Variants in ERAP1 observed in about 807,000 individuals in gnomAD.
ERAP1 encodes the protein adipocyte-derived leucine aminopeptidase.
In ERAP1, 86 loss-of-function variants were observed where a neutral mutation model predicts 103.7. The observed-to-expected ratio is 0.83, with a 90% CI of 0.70 to 0.99. The LOEUF (loss-of-function observed/expected upper bound fraction) is 0.99. ERAP1 is among the 50% of genes least tolerant of loss of function. ERAP1 has a pLI of 0.00. For missense variants in ERAP1, 1,009 were observed against 1,128.4 expected (o/e 0.89, Z 1.52); for synonymous variants, 398 against 402.4 (o/e 0.99, Z 0.13).
the ERAP1 span, among the ~76,000 whole-genome samples, chr5:96,867,008 GAT>G: frequency 3.4e-5 from 4 of 118,166 alleles, no homozygotes; most frequent in Admixed American, 1.0e-4. Flanking sequence ...TTACCTTTCT[GAT>G]ATTTTTTTTT....
At chr5:96,761,018 A>C (rs1002677473) in exon 20 of ERAP1, 1 of 152,118 alleles carries the variant, frequency 6.6e-6, no homozygotes. Flanking sequence ...TAATGTTGAG[A>C]AAGCAAACTC....
the ERAP1 span, chr5:96,900,321 T>C: frequency 1.5e-6 from 2 of 1,373,284 alleles, no homozygotes; most frequent in East Asian, 4.7e-5. Context: ...CGATTTTCTC[T>C]AAAACAAAAC....
At chr5:96,773,270 G>A (rs1222733938), downstream of ERAP1, 2 of 153,452 alleles carry the variant, frequency 1.3e-5, no homozygotes, top group Non-Finnish European at 2.9e-5. Flanking sequence ...TTTGCCAGGT[G>A]TGAGGACTTC....
the ERAP1 span, among the ~76,000 whole-genome samples, chr5:96,836,517 A>G: frequency 2.0e-5 from 3 of 152,164 alleles, no homozygotes; most frequent in Admixed American, 2.0e-4. Context: ...CTTTGGTTTT[A>G]ACAAAATTAA....
chr5:96,802,488 A>G (rs762254045), intron 2 of ERAP1, among the ~76,000 whole-genome samples: 1 of 152,208 alleles, frequency 6.6e-6, no homozygotes, highest in Non-Finnish European at 1.5e-5. Context: ...AATAAATTTT[A>G]CTTTCTTACC....
At chr5:96,853,256 T>C in the ERAP1 span, among the ~76,000 whole-genome samples, 1 of 152,142 alleles carries the variant, frequency 6.6e-6, no homozygotes, top group South Asian at 2.1e-4. Flanking sequence ...AAGATAATAT[T>C]GTAGCCCCTG....
chr5:96,909,778 T>TTAATGGAAAATTAAAGTAG, the ERAP1 span: 5 of 1,612,432 alleles, frequency 3.1e-6, no homozygotes, highest in Non-Finnish European at 4.2e-6. Flanking sequence ...GATGTAGACT[T>TTAATGGAAAATTAAAGTAG]CTGTCCTACC....
chr5:96,780,543 T>G (rs1398364050), intron 17 of ERAP1, 39 bp from the exon 18 acceptor site: 4 of 1,472,332 alleles, frequency 2.7e-6, no homozygotes, highest in South Asian at 1.1e-5. Flanking sequence ...TGTGAAATAC[T>G]TATTCATTTA....
chr5:96,771,183 A>T (rs1188253763), downstream of ERAP1, among the ~76,000 whole-genome samples: 4 of 152,322 alleles, frequency 2.6e-5, no homozygotes, highest in African/African-American at 9.6e-5. Flanking sequence ...CAGTTATGCC[A>T]TTATATCTCA....
rs59338324 is a variant in ERAP1 at position 96,765,327 on chromosome 5, TAAAAAAAAAAAAAAA to T, written c.2819-2114_2819-2100del. ...AAACCAATGGAAGATAAAGTAAAGG[TAAAAAAAAAAAAAAA>T]AAAAAAAAAAATTCACTAATAGTGA... On this transcript the variant is annotated intron_variant, in intron 19 of 19. Transcript: ENST00000296754. The T allele has an allele frequency of 2.3e-4, 120 of 512,284 alleles. 5 individuals are homozygous for T. The East Asian group carries it at 4.5e-3, about 19-fold the overall frequency. 31.7% of individuals were successfully genotyped at this position (512,284 alleles called of 1,614,324 possible). A position where few individuals can be genotyped will look rare whatever the true frequency, so the allele number is the denominator to read the frequency against.
chr5:96,763,296 C>T lies in ERAP1; in HGVS notation c.2819-68G>A, dbSNP rs551702619. 20 of 779,850 alleles carry T rather than the reference C, an allele frequency of 2.6e-5. No homozygotes were observed. The African/African-American group carries it at 2.9e-4, about 11-fold the overall frequency. The allele number at this position is 779,850 out of a possible 1,614,324, so 48.3% of individuals were successfully genotyped here. A position where few individuals can be genotyped will look rare whatever the true frequency, so the allele number is the denominator to read the frequency against. Reference sequence around the variant, plus strand: ...CCCCGGGCAGCTCTACCATTAGCAGCTATAATCCTGGATTATAATAAAGCA... The same window carrying T: ...CCCCGGGCAGCTCTACCATTAGCAGTTATAATCCTGGATTATAATAAAGCA... On this transcript the variant is annotated intron_variant, in intron 19 of 19. Coordinates refer to the ERAP1 transcript ENST00000296754.
Position 96,782,098 on chromosome 5 carries a change from C to G in ERAP1, c.2286-244G>C, listed in dbSNP as rs550108961. On this transcript the variant is annotated intron_variant, in intron 15 of 18. Coordinates refer to ENST00000443439, the MANE Select transcript of ERAP1 (RefSeq NM_001040458.3). ...CGATATCGGTTCCTGCAAGCTCCGC[C>G]CTCCCGGGTTCACGCCATTCTCCTA... is the stretch of plus-strand genomic sequence containing the variant. 3.0e-3 allele frequency among the ~76,000 whole-genome samples: 449 copies of G among 151,782 alleles called. 3 individuals carry two copies. The highest frequency in any genetic ancestry group is 2.4e-3 in the Non-Finnish European group (162 of 67,956).
the ERAP1 span, among the ~76,000 whole-genome samples, chr5:96,861,185 A>G: frequency 7.2e-5 from 11 of 152,200 alleles, no homozygotes; most frequent in Non-Finnish European, 1.3e-4. Context: ...GAAGGTATGA[A>G]CAAGGGCTTG....
the ERAP1 span, among the ~76,000 whole-genome samples, chr5:96,830,751 TTGGAGCCCCTGATTGCCTC>T: frequency 3.9e-5 from 6 of 152,292 alleles, no homozygotes; most frequent in East Asian, 1.2e-3. Flanking sequence ...CAACATAAAG[TTGGAGCCCCTGATTGCCTC>T]TGGAGAGGAA....
At chr5:96,816,507 C>T in the ERAP1 span, among the ~76,000 whole-genome samples, 7,029 of 152,242 alleles carry the variant, frequency 0.046, 229 homozygotes, top group South Asian at 0.11. Context: ...GGGACGGTCT[C>T]AACTTAGGCA....
At chr5:96,892,746 A>G in the ERAP1 span, among the ~76,000 whole-genome samples, 1 of 152,214 alleles carries the variant, frequency 6.6e-6, no homozygotes, top group Non-Finnish European at 1.5e-5. Context: ...CAGACACATG[A>G]AGCACAGAAT....
chr5:96,901,777 T>G, the ERAP1 span: 1 of 1,249,184 alleles, frequency 8.0e-7, no homozygotes, highest in Non-Finnish European at 1.1e-6. Flanking sequence ...CTTTGTAGGA[T>G]GCTAGTTCCA....
the ERAP1 span, among the ~76,000 whole-genome samples, chr5:96,922,373 T>C: frequency 6.6e-6 from 1 of 152,128 alleles, no homozygotes. Flanking sequence ...CTCTAATATA[T>C]TGAGTTGGAG....
the ERAP1 span, chr5:96,873,142 T>C: frequency 2.0e-5 from 7 of 342,586 alleles, no homozygotes; most frequent in East Asian, 1.5e-4. Flanking sequence ...TGAGCAGAGA[T>C]TGTGCCACCG....
Sources: allele counts gnomAD v4.1 joint callset (sites outside exome capture counted in the v4.1 genomes callset), GRCh38; gene constraint gnomAD v4.1.1; transcripts MANE v1.5; gene names NCBI Gene and HGNC (gene_info 2026-07-23, HGNC 2026-07-21).